SLMAP: variants seen among roughly 807,000 people sequenced by gnomAD.
SLMAP encodes sarcolemmal membrane-associated protein.
SLMAP carries 44 observed loss-of-function variants against 128.8 expected under a neutral mutation model. The ratio of observed to expected loss-of-function variants is 0.34; its 90% CI spans 0.27 to 0.44. SLMAP has a LOEUF of 0.44. Among genes scored for constraint, SLMAP ranks in the 20% least tolerant of loss-of-function variants. The probability of loss-of-function intolerance (pLI) is 1.00; values close to 1 mark genes in which losing one functional copy is unlikely to be tolerated. For synonymous variants in SLMAP, 327 were observed against 348.8 expected (o/e 0.94, Z 0.70); for missense variants, 787 against 985.3 (o/e 0.80, Z 2.69).
At chr3:57,766,587 A>G (rs2079782850) in intron 2 of SLMAP, among the ~76,000 whole-genome samples, 1 of 152,172 alleles carries the variant, frequency 6.6e-6, no homozygotes, top group South Asian at 2.1e-4. Context: ...AAATAGTTAC[A>G]CCTTTGCTTA....
intron 2 of SLMAP, among the ~76,000 whole-genome samples, chr3:57,759,743 A>G (rs993814091): frequency 2.0e-5 from 3 of 152,244 alleles, no homozygotes; most frequent in East Asian, 3.8e-4. Flanking sequence ...GTTGGCTCAC[A>G]GTACATACTC....
At chr3:57,893,456 A>C (rs1399386793) in intron 15 of SLMAP, among the ~76,000 whole-genome samples, 3 of 152,030 alleles carry the variant, frequency 2.0e-5, no homozygotes, top group Non-Finnish European at 4.4e-5. Context: ...AAAAAAAAAA[A>C]AACAGGCAAT....
intron 9 of SLMAP, among the ~76,000 whole-genome samples, chr3:57,861,589 T>G: frequency 6.6e-6 from 1 of 152,328 alleles, no homozygotes; most frequent in South Asian, 2.1e-4. Context: ...TTAAATTGAT[T>G]GCTGGATATT....
At position 57,775,303 on chromosome 3, in the gene SLMAP, A is replaced by G. The variant is rs1240205464; in HGVS notation, c.198+17454A>G. 3.3e-5 allele frequency among the ~76,000 whole-genome samples: 5 copies of G among 151,906 alleles called. No homozygotes were observed. In the South Asian group the frequency reaches 8.3e-4, roughly 25 times the overall value. On this transcript the variant is annotated intron_variant, in intron 2 of 24. Transcript: ENST00000671191. ...GTGATCCGCCCACCCCGGCCTCCCA[A>G]AGTGCTGGGATTACAGGCGTGGGCC...
At chr3:57,858,941 TCAACAA>T (rs900798293) in intron 8 of SLMAP, among the ~76,000 whole-genome samples, 23 of 151,748 alleles carry the variant, frequency 1.5e-4, no homozygotes, top group African/African-American at 4.1e-4. Flanking sequence ...AAACTCTGTC[TCAACAA>T]CAACAACAAC....
At chr3:57,779,404 G>A (rs1401617095) in intron 2 of SLMAP, among the ~76,000 whole-genome samples, 2 of 151,546 alleles carry the variant, frequency 1.3e-5, no homozygotes, top group African/African-American at 4.9e-5. Context: ...AGCTACTCAG[G>A]AGGCTGAGGT....
chr3:57,869,660 A>ATATATAAT (rs1553900183), intron 13 of SLMAP, among the ~76,000 whole-genome samples: 2 of 81,368 alleles, frequency 2.5e-5, no homozygotes. Flanking sequence ...ATATATATAT[A>ATATATAAT]ATATATATAA....
At chr3:57,830,876 C>T (rs899465022) in intron 2 of SLMAP, among the ~76,000 whole-genome samples, 1 of 152,102 alleles carries the variant, frequency 6.6e-6, no homozygotes, top group Non-Finnish European at 1.5e-5. Flanking sequence ...ATGTTTTAAA[C>T]GTTCATTCAT....
chr3:57,802,717 A>T (rs1447526748), intron 2 of SLMAP, among the ~76,000 whole-genome samples: 1 of 152,166 alleles, frequency 6.6e-6, no homozygotes, highest in Non-Finnish European at 1.5e-5. Flanking sequence ...TAGTTAATTC[A>T]TTTTTATTTC....
chr3:57,757,519 G>C lies in SLMAP; in HGVS notation c.-133G>C. On this transcript the variant is annotated 5_prime_UTR_variant, in exon 2 of 25. The change abolishes an upstream ATG in the 5' untranslated region. Transcript: ENST00000671191. Reference sequence around the variant, plus strand: ...TGAAGAGTTGATGTTCACTGGTTATGCTTAGACAATGTGCAGTTTGTGTTA... The same window carrying C: ...TGAAGAGTTGATGTTCACTGGTTATCCTTAGACAATGTGCAGTTTGTGTTA... 1 of 759,446 alleles carries C rather than the reference G, an allele frequency of 1.3e-6. No homozygotes were observed. The highest frequency in any genetic ancestry group is 1.7e-5 in the South Asian group (1 of 60,004). The allele number at this position is 759,446 out of a possible 1,614,324, so 47.0% of individuals were successfully genotyped here. A position where few individuals can be genotyped will look rare whatever the true frequency, so the allele number is the denominator to read the frequency against.
At chr3:57,784,754 A>G (rs796333629) in intron 2 of SLMAP, among the ~76,000 whole-genome samples, 2 of 152,180 alleles carry the variant, frequency 1.3e-5, no homozygotes, top group South Asian at 4.1e-4. Flanking sequence ...GCCATGGTTC[A>G]TGTGTTGGAA....
At position 57,839,800 on chromosome 3, in the gene SLMAP, C is replaced by G. The variant is rs540865650; in HGVS notation, c.347-1499C>G. On this transcript the variant is annotated intron_variant, in intron 3 of 24. Coordinates refer to ENST00000671191, the MANE Select transcript of SLMAP (RefSeq NM_001377540.1). ...TCTTGAACTCCTGACCTCAGGTGAT[C>G]TGCCTCGGCCTCCCAAGGTGCTAGG... is the stretch of plus-strand genomic sequence containing the variant. 1.2e-4 allele frequency among the ~76,000 whole-genome samples: 19 copies of G among 152,200 alleles called. No individual in the cohort carries two copies. In the South Asian group the frequency reaches 2.7e-3, roughly 22 times the overall value.
chr3:57,792,865 C>T (rs1202592269), intron 2 of SLMAP, among the ~76,000 whole-genome samples: 3 of 151,996 alleles, frequency 2.0e-5, no homozygotes, highest in Admixed American at 1.3e-4. Context: ...TGACCGGGTG[C>T]GGTGACTCAC....
intron 13 of SLMAP, among the ~76,000 whole-genome samples, chr3:57,867,135 T>C (rs1478579640): frequency 3.3e-5 from 5 of 152,156 alleles, no homozygotes; most frequent in Non-Finnish European, 1.5e-5. Context: ...GCCCAGATCG[T>C]GCCACTGCAC....
At position 57,840,658 on chromosome 3, in the gene SLMAP, G is replaced by A. The variant is rs565110612; in HGVS notation, c.347-641G>A. On this transcript the variant is annotated intron_variant, in intron 3 of 24. Transcript: ENST00000671191. ...GTGAGAAGCTGTCTACAAAGGGACT[G>A]TACTGATGTCATTTTGGGGGTGGAG... Among the ~76,000 whole-genome samples, 19 of 152,322 alleles carry A rather than the reference G, an allele frequency of 1.2e-4. No homozygotes were observed. The South Asian group carries it at 3.9e-3, about 32-fold the overall frequency.
chr3:57,773,450 T>TA (rs1163214299), intron 2 of SLMAP, among the ~76,000 whole-genome samples: 2 of 152,240 alleles, frequency 1.3e-5, no homozygotes, highest in African/African-American at 2.4e-5. Flanking sequence ...TCATTTTACT[T>TA]AAAATCACTG....
intron 4 of SLMAP, among the ~76,000 whole-genome samples, chr3:57,844,155 C>A (rs553154553): frequency 6.6e-6 from 1 of 152,070 alleles, no homozygotes; most frequent in South Asian, 2.1e-4. Context: ...CACTTTGGCA[C>A]TCTGAGGCGG....
At chr3:57,918,949 A>C (rs1305331375) in intron 22 of SLMAP, among the ~76,000 whole-genome samples, 1 of 152,228 alleles carries the variant, frequency 6.6e-6, no homozygotes, top group Non-Finnish European at 1.5e-5. Context: ...CTCATTTGTC[A>C]CCTCAGAGTT....
At chr3:57,778,143 C>G (rs183003780) in intron 2 of SLMAP, among the ~76,000 whole-genome samples, 1 of 152,186 alleles carries the variant, frequency 6.6e-6, no homozygotes, top group African/African-American at 2.4e-5. Context: ...ATGTTGTAAA[C>G]TATAAGTTCA....
Sources: allele counts gnomAD v4.1 joint callset (sites outside exome capture counted in the v4.1 genomes callset), GRCh38; gene constraint gnomAD v4.1.1; transcripts MANE v1.5; gene names NCBI Gene and HGNC (gene_info 2026-07-23, HGNC 2026-07-21).